CCNY: variants seen among roughly 807,000 people sequenced by gnomAD.
The protein encoded by CCNY is cyclin Y, also known as cyclin-Y.
CCNY carries 19 observed loss-of-function variants against 42.8 expected under a neutral mutation model. The observed-to-expected ratio is 0.44, with a 90% CI of 0.31 to 0.65. The LOEUF (loss-of-function observed/expected upper bound fraction) is 0.65, where lower values mean the gene tolerates loss of function less well. Ranked by LOEUF, CCNY falls within the 30% of genes least tolerant of loss-of-function variation. The pLI is 0.07. For missense variants in CCNY, 370 were observed against 437.3 expected (o/e 0.85, Z 1.37); for synonymous variants, 165 against 162.7 (o/e 1.01, Z -0.11).
At chr10:35,429,799 G>A (rs757455297) in intron 1 of CCNY, among the ~76,000 whole-genome samples, 10 of 152,182 alleles carry the variant, frequency 6.6e-5, no homozygotes, top group Non-Finnish European at 1.3e-4. Context: ...TACAACAGGT[G>A]TTTAATAAAA....
chr10:35,264,927 C>A (rs151128098), intron 3 of CCNY, among the ~76,000 whole-genome samples: 1 of 151,946 alleles, frequency 6.6e-6, no homozygotes, highest in African/African-American at 2.4e-5. Flanking sequence ...CCGCGCCCGG[C>A]CTTTTGCCCA....
At chr10:35,445,580 G>A (rs750146405) in intron 1 of CCNY, among the ~76,000 whole-genome samples, 2 of 152,138 alleles carry the variant, frequency 1.3e-5, no homozygotes, top group Non-Finnish European at 2.9e-5. Context: ...TTAATTGAGG[G>A]AGGGAGACAG....
intron 1 of CCNY, among the ~76,000 whole-genome samples, chr10:35,417,932 A>G (rs1354636482): frequency 6.6e-6 from 1 of 152,224 alleles, no homozygotes; most frequent in African/African-American, 2.4e-5. Context: ...AAAAGCCTTC[A>G]GCAAGATGCT....
chr10:35,384,351 G>A (rs1190948239), intron 1 of CCNY, among the ~76,000 whole-genome samples: 3 of 152,164 alleles, frequency 2.0e-5, no homozygotes, highest in Non-Finnish European at 2.9e-5. Context: ...CATGTTGCAA[G>A]AGAAAAGGAG....
chr10:35,329,666 A>G (rs986284149), intron 3 of CCNY, among the ~76,000 whole-genome samples: 9 of 152,196 alleles, frequency 5.9e-5, no homozygotes, highest in Admixed American at 5.2e-4. Context: ...AGTCAGATTA[A>G]AGACATGCAG....
intron 1 of CCNY, among the ~76,000 whole-genome samples, chr10:35,398,979 C>T (rs539299042): frequency 1.2e-4 from 18 of 152,318 alleles, no homozygotes; most frequent in African/African-American, 4.1e-4. Flanking sequence ...GCTTTCCTGG[C>T]CTTTCAGCTT....
At chr10:35,518,105 C>T (rs886845724) in intron 4 of CCNY, among the ~76,000 whole-genome samples, 1 of 152,204 alleles carries the variant, frequency 6.6e-6, no homozygotes, top group Admixed American at 6.5e-5. Flanking sequence ...ACAGGTGGCT[C>T]TGTCTTAGTT....
At chr10:35,506,334 C>G (rs1243118075) in intron 3 of CCNY, among the ~76,000 whole-genome samples, 1 of 152,150 alleles carries the variant, frequency 6.6e-6, no homozygotes, top group East Asian at 1.9e-4. Flanking sequence ...TCTCAGACCC[C>G]CTGTTCTGCT....
At chr10:35,553,233 C>G in intron 8 of CCNY, 48 bp downstream of exon 8, 2 of 1,587,276 alleles carry the variant, frequency 1.3e-6, no homozygotes, top group Non-Finnish European at 1.7e-6. Context: ...TTGGCCAGAC[C>G]ATTTGGAAAG....
chr10:35,508,372 T>C (rs1323507488), intron 3 of CCNY, among the ~76,000 whole-genome samples: 4 of 152,212 alleles, frequency 2.6e-5, no homozygotes, highest in Non-Finnish European at 5.9e-5. Context: ...TTGATACTGG[T>C]TTTGTGTTCT....
chr10:35,508,553 A>G (rs568353077), intron 3 of CCNY, among the ~76,000 whole-genome samples: 6 of 152,170 alleles, frequency 3.9e-5, no homozygotes, highest in Non-Finnish European at 8.8e-5. Context: ...TCTGGACACC[A>G]TGTGTGCTCA....
intron 3 of CCNY, among the ~76,000 whole-genome samples, chr10:35,329,883 A>ACC (rs1835922863): frequency 6.6e-6 from 1 of 152,098 alleles, no homozygotes. Context: ...GAGGGACAGG[A>ACC]CCGCCTGCTT....
chr10:35,458,554 C>G (rs918001075), intron 1 of CCNY, among the ~76,000 whole-genome samples: 1 of 152,208 alleles, frequency 6.6e-6, no homozygotes, highest in South Asian at 2.1e-4. Flanking sequence ...TTCTCTTAGG[C>G]ACTGAGGATT....
intron 1 of CCNY, among the ~76,000 whole-genome samples, chr10:35,395,408 C>T (rs776673663): frequency 6.6e-6 from 1 of 152,144 alleles, no homozygotes; most frequent in Non-Finnish European, 1.5e-5. Context: ...AACCAAGGAG[C>T]AGTGCGAAGG....
At chr10:35,378,689 G>A (rs1252422059) in intron 1 of CCNY, among the ~76,000 whole-genome samples, 2 of 152,120 alleles carry the variant, frequency 1.3e-5, no homozygotes, top group Non-Finnish European at 1.5e-5. Context: ...AGTCAGGATG[G>A]CTTGCAGAGT....
At chr10:35,338,119 T>C (rs1055466488) in intron 1 of CCNY, among the ~76,000 whole-genome samples, 1 of 152,236 alleles carries the variant, frequency 6.6e-6, no homozygotes, top group African/African-American at 2.4e-5. Flanking sequence ...AGGTGATTTT[T>C]TTAACCCAAA....
At chr10:35,502,014 GA>G (rs1175236748) in intron 3 of CCNY, among the ~76,000 whole-genome samples, 1 of 152,184 alleles carries the variant, frequency 6.6e-6, no homozygotes, top group African/African-American at 2.4e-5. Context: ...TCCAAGAAAG[GA>G]TAAACTTGAT....
chr10:35,365,042 C>G (rs564424546), intron 1 of CCNY, among the ~76,000 whole-genome samples: 4 of 152,270 alleles, frequency 2.6e-5, no homozygotes, highest in Admixed American at 6.5e-5. Flanking sequence ...GGACTTAGGA[C>G]TTTGGAAGGT....
chr10:35,307,028 C>T (rs1835614634), intron 3 of CCNY, among the ~76,000 whole-genome samples: 1 of 152,186 alleles, frequency 6.6e-6, no homozygotes, highest in Non-Finnish European at 1.5e-5. Context: ...GGAAGCAGTA[C>T]ACGGCAACAT....
Sources: allele counts gnomAD v4.1 joint callset (sites outside exome capture counted in the v4.1 genomes callset), GRCh38; gene constraint gnomAD v4.1.1; transcripts MANE v1.5; gene names NCBI Gene and HGNC (gene_info 2026-07-23, HGNC 2026-07-21).